CNTN5: variants seen among roughly 807,000 people sequenced by gnomAD.
CNTN5 encodes contactin 5, also known as contactin-5.
In CNTN5, 77 loss-of-function variants were observed where a neutral mutation model predicts 129.1. The ratio of observed to expected loss-of-function variants is 0.60; its 90% CI spans 0.50 to 0.72. The LOEUF (loss-of-function observed/expected upper bound fraction) is 0.72, where lower values mean the gene tolerates loss of function less well. CNTN5 is among the 30% of genes least tolerant of loss of function. The pLI is 0.00. For missense variants in CNTN5, 1,478 were observed against 1,328.8 expected (o/e 1.11, Z -1.75); for synonymous variants, 509 against 465.6 (o/e 1.09, Z -1.20).
intron 15 of CNTN5, among the ~76,000 whole-genome samples, chr11:100,204,343 T>TATATATATATATATAA (rs1201876860): frequency 9.0e-6 from 1 of 111,432 alleles, no homozygotes; most frequent in African/African-American, 3.8e-5. Context: ...TATATATATA[T>TATATATATATATATAA]AATTATAGGC....
chr11:99,300,436 T>A (rs535257079), intron 1 of CNTN5, among the ~76,000 whole-genome samples: 1 of 152,132 alleles, frequency 6.6e-6, no homozygotes, highest in Non-Finnish European at 1.5e-5. Flanking sequence ...TTTGTATATG[T>A]TGAACCATCC....
At chr11:99,738,540 G>A (rs11221160) in intron 3 of CNTN5, among the ~76,000 whole-genome samples, 34,139 of 151,820 alleles carry the variant, frequency 0.22, 4,206 homozygotes, top group Admixed American at 0.35. Context: ...AGAAATAATA[G>A]AAGGAAAGTG....
intron 13 of CNTN5, among the ~76,000 whole-genome samples, chr11:100,084,195 G>T (rs1272527624): frequency 6.6e-6 from 1 of 152,090 alleles, no homozygotes; most frequent in Non-Finnish European, 1.5e-5. Flanking sequence ...ACTTGAACAA[G>T]CCATTAATTG....
At position 100,283,142 on chromosome 11, in the gene CNTN5, G is replaced by A. The variant is rs1950678026; in HGVS notation, c.2314+11901G>A. Among the ~76,000 whole-genome samples the A allele has an allele frequency of 3.3e-5, 5 of 152,116 alleles. No homozygotes were observed. The South Asian group carries it at 8.3e-4, about 25-fold the overall frequency. ...GTCTCCTTTACTTTTCATAGCAGAT[G>A]ATTAATCCTGCCAAGACTGGGTCTT... On this transcript the variant is annotated intron_variant, in intron 18 of 24. Transcript: ENST00000524871.
At chr11:100,143,696 T>C (rs888141910) in intron 13 of CNTN5, among the ~76,000 whole-genome samples, 1 of 152,150 alleles carries the variant, frequency 6.6e-6, no homozygotes, top group African/African-American at 2.4e-5. Flanking sequence ...ACTCTATTTA[T>C]GTATTCCACT....
At chr11:99,494,701 A>G (rs1565230273) in intron 2 of CNTN5, among the ~76,000 whole-genome samples, 3 of 152,180 alleles carry the variant, frequency 2.0e-5, no homozygotes. Flanking sequence ...TTTCTTATAT[A>G]GCTGAACGAG....
At chr11:99,651,228 CA>C (rs1565389945) in intron 3 of CNTN5, among the ~76,000 whole-genome samples, 99 of 151,240 alleles carry the variant, frequency 6.5e-4, no homozygotes, top group Middle Eastern at 6.8e-3. Context: ...ACAGAAATCC[CA>C]CAAACAATCA....
intron 1 of CNTN5, among the ~76,000 whole-genome samples, chr11:99,172,993 C>G (rs975731808): frequency 6.6e-6 from 1 of 152,084 alleles, no homozygotes; most frequent in Non-Finnish European, 1.5e-5. Context: ...GGCAAGGAGG[C>G]GCAAGTCACA....
chr11:99,225,084 T>A (rs1013394759), intron 1 of CNTN5, among the ~76,000 whole-genome samples: 1 of 152,026 alleles, frequency 6.6e-6, no homozygotes, highest in Admixed American at 6.6e-5. Flanking sequence ...TTATTAGAAA[T>A]GACATTTACA....
chr11:99,122,349 C>T (rs950399667), intron 1 of CNTN5, among the ~76,000 whole-genome samples: 7 of 152,002 alleles, frequency 4.6e-5, no homozygotes, highest in Non-Finnish European at 8.8e-5. Context: ...GGTGAGAATT[C>T]TTTGTATTAA....
At chr11:99,748,125 G>T (rs959604504) in intron 3 of CNTN5, among the ~76,000 whole-genome samples, 3 of 151,938 alleles carry the variant, frequency 2.0e-5, no homozygotes, top group Non-Finnish European at 2.9e-5. Context: ...TTTTTTTGTT[G>T]AGGATTTTTG....
chr11:100,149,899 AAAAAAAAAGAAAAGAAAAG>A, intron 13 of CNTN5, among the ~76,000 whole-genome samples: 1 of 150,102 alleles, frequency 6.7e-6, no homozygotes, highest in East Asian at 1.9e-4. Flanking sequence ...ATCTCAAAAA[AAAAAAAAAGAAAAGAAAAG>A]AAAAAAAAAA....
intron 17 of CNTN5, among the ~76,000 whole-genome samples, 168 bp downstream of exon 17, chr11:100,256,086 G>A (rs1431112128): frequency 6.6e-6 from 1 of 152,096 alleles, no homozygotes; most frequent in Non-Finnish European, 1.5e-5. Flanking sequence ...GAAGAGCAAG[G>A]TACCTTGCTT....
chr11:99,691,356 A>C (rs1187047811), intron 3 of CNTN5, among the ~76,000 whole-genome samples: 1 of 151,832 alleles, frequency 6.6e-6, no homozygotes, highest in African/African-American at 2.4e-5. Flanking sequence ...TTAACTTGAG[A>C]TCTTTCTAGC....
chr11:100,221,180 A>G (rs1245225361), intron 15 of CNTN5, among the ~76,000 whole-genome samples: 1 of 152,220 alleles, frequency 6.6e-6, no homozygotes, highest in African/African-American at 2.4e-5. Context: ...GGAAAAGAAA[A>G]AAGAAAGAGC....
At chr11:99,903,036 G>A (rs192146797) in intron 6 of CNTN5, among the ~76,000 whole-genome samples, 24 of 152,138 alleles carry the variant, frequency 1.6e-4, no homozygotes, top group African/African-American at 5.8e-4. Flanking sequence ...TAGAACTGTT[G>A]AGTTTATAGC....
chr11:100,065,109 C>G (rs549432571), intron 10 of CNTN5, among the ~76,000 whole-genome samples: 1 of 151,998 alleles, frequency 6.6e-6, no homozygotes, highest in African/African-American at 2.4e-5. Flanking sequence ...TTATCCAGAA[C>G]GCTTAAAAGT....
At chr11:99,640,384 A>G (rs949808856) in intron 3 of CNTN5, among the ~76,000 whole-genome samples, 1 of 152,190 alleles carries the variant, frequency 6.6e-6, no homozygotes, top group Non-Finnish European at 1.5e-5. Flanking sequence ...TGGGAGGCAA[A>G]AGAGAAAATG....
intron 1 of CNTN5, among the ~76,000 whole-genome samples, chr11:99,064,260 T>C (rs994380627): frequency 3.3e-5 from 5 of 152,148 alleles, no homozygotes; most frequent in African/African-American, 1.2e-4. Context: ...CTTGTCTCTT[T>C]AGGGGCACTT....
Sources: allele counts gnomAD v4.1 joint callset (sites outside exome capture counted in the v4.1 genomes callset), GRCh38; gene constraint gnomAD v4.1.1; transcripts MANE v1.5; gene names NCBI Gene and HGNC (gene_info 2026-07-23, HGNC 2026-07-21).